Variants in EXOC6B observed in about 807,000 individuals in gnomAD.
EXOC6B encodes SEC15 homolog B.
A neutral mutation model predicts 113.5 loss-of-function variants in EXOC6B; 54 were observed. That is an observed-to-expected ratio of 0.48 (90% CI 0.38 to 0.60). The LOEUF (loss-of-function observed/expected upper bound fraction) is 0.60, where lower values mean the gene tolerates loss of function less well. EXOC6B is among the 20% of genes least tolerant of loss of function. The pLI is 0.00. For missense variants in EXOC6B, 797 were observed against 977.5 expected (o/e 0.82, Z 2.46); for synonymous variants, 357 against 339.0 (o/e 1.05, Z -0.58).
intron 6 of EXOC6B, among the ~76,000 whole-genome samples, chr2:72,594,158 T>C (rs1484337938): frequency 6.6e-6 from 1 of 152,146 alleles, no homozygotes; most frequent in Admixed American, 6.5e-5. Flanking sequence ...TTTTTTTAAA[T>C]TTTTTACAGA....
intron 20 of EXOC6B, among the ~76,000 whole-genome samples, chr2:72,192,252 A>G (rs1678893987): frequency 6.6e-6 from 1 of 152,210 alleles, no homozygotes; most frequent in South Asian, 2.1e-4. Context: ...GACATGGCAC[A>G]TGGAATTAAA....
chr2:72,710,593 T>A (rs140486661), intron 6 of EXOC6B, among the ~76,000 whole-genome samples: 1 of 152,260 alleles, frequency 6.6e-6, no homozygotes, highest in African/African-American at 2.4e-5. Flanking sequence ...GAGACCACAC[T>A]CTGTGCATGT....
rs945019828 is a variant in EXOC6B at position 72,499,803 on chromosome 2, T to G, written c.1239+98A>C. ...CCTACCTCAGGCTTCCAAAGAACTATGATTACAGGCAAAAGCCACCAGACC... is the reference window on the plus strand; with the variant it reads ...CCTACCTCAGGCTTCCAAAGAACTAGGATTACAGGCAAAAGCCACCAGACC... On this transcript the variant is annotated intron_variant, in intron 12 of 21. Coordinates refer to ENST00000272427, the MANE Select transcript of EXOC6B (RefSeq NM_015189.3). 1.4e-5 allele frequency: 11 copies of G among 769,772 alleles called. No individual in the cohort carries two copies. In the South Asian group the frequency reaches 1.9e-4, roughly 14 times the overall value. The allele number at this position is 769,772 out of a possible 1,614,324, so 47.7% of individuals were successfully genotyped here.
At chr2:72,601,347 T>C (rs1031956716) in intron 6 of EXOC6B, among the ~76,000 whole-genome samples, 3 of 152,072 alleles carry the variant, frequency 2.0e-5, no homozygotes, top group Admixed American at 1.3e-4. Context: ...CATGCCCAGC[T>C]AATTTTTTTG....
chr2:72,634,881 T>A (rs1672716516), intron 6 of EXOC6B, among the ~76,000 whole-genome samples: 1 of 151,710 alleles, frequency 6.6e-6, no homozygotes, highest in Admixed American at 6.6e-5. Context: ...CTCAACAAAT[T>A]TAAACAAATA....
intron 1 of EXOC6B, among the ~76,000 whole-genome samples, chr2:72,819,005 G>A (rs1261959793): frequency 6.6e-6 from 1 of 152,004 alleles, no homozygotes; most frequent in South Asian, 2.1e-4. Flanking sequence ...TGCCCACTCC[G>A]GACTCTATAA....
intron 18 of EXOC6B, among the ~76,000 whole-genome samples, chr2:72,404,754 C>T (rs747536778): frequency 5.9e-5 from 9 of 152,006 alleles, no homozygotes; most frequent in East Asian, 1.9e-4. Flanking sequence ...CACAAAGATG[C>T]GGAAAAAACA....
chr2:72,559,854 AATACACCTTTC>A (rs779018724), intron 7 of EXOC6B, among the ~76,000 whole-genome samples: 10 of 152,320 alleles, frequency 6.6e-5, no homozygotes, highest in Non-Finnish European at 1.2e-4. Context: ...ACAATGTGAG[AATACACCTTTC>A]ATGACGACTT....
chr2:72,215,793 A>G lies in EXOC6B; in HGVS notation c.2197-31606T>C, dbSNP rs376421459. Reference sequence around the variant, plus strand: ...TGGAAACAGGGGAGGAGACCAGAAAAGGCCTCCTTCTGGAGGCCTTGAGGA... The same window carrying G: ...TGGAAACAGGGGAGGAGACCAGAAAGGGCCTCCTTCTGGAGGCCTTGAGGA... On this transcript the variant is annotated intron_variant, in intron 20 of 21. Transcript: ENST00000272427. Among the ~76,000 whole-genome samples, 17 of 152,256 alleles carry G rather than the reference A, an allele frequency of 1.1e-4. 1 individual carries two copies. Among genetic ancestry groups the G allele is most frequent in the African/African-American group, 4.1e-4 (17 of 41,556 alleles).
At chr2:72,213,065 T>G (rs997794267) in intron 20 of EXOC6B, among the ~76,000 whole-genome samples, 3 of 152,228 alleles carry the variant, frequency 2.0e-5, no homozygotes, top group Non-Finnish European at 4.4e-5. Flanking sequence ...CAGATACTAC[T>G]AGCTTCTGCT....
chr2:72,622,714 GT>G (rs1390978537), intron 6 of EXOC6B, among the ~76,000 whole-genome samples: 1 of 151,352 alleles, frequency 6.6e-6, no homozygotes, highest in African/African-American at 2.4e-5. Context: ...CTGTTTCAAA[GT>G]AAAAATTAAA....
At chr2:72,182,949 G>T (rs1678183594) in intron 21 of EXOC6B, 1 of 1,215,330 alleles carries the variant, frequency 8.2e-7, no homozygotes, top group East Asian at 3.2e-5. Flanking sequence ...GGGAAACAAA[G>T]TTAAAATGGA....
intron 18 of EXOC6B, among the ~76,000 whole-genome samples, chr2:72,417,728 T>C (rs1001494049): frequency 6.6e-6 from 1 of 152,180 alleles, no homozygotes; most frequent in Non-Finnish European, 1.5e-5. Context: ...TCCTGGTGTG[T>C]TGTACATTTT....
At chr2:72,749,070 G>A (rs1681875812) in intron 1 of EXOC6B, among the ~76,000 whole-genome samples, 1 of 152,012 alleles carries the variant, frequency 6.6e-6, no homozygotes, top group Admixed American at 6.6e-5. Context: ...TTTGTGTTAG[G>A]TGCAAAAAGA....
In EXOC6B at chr2:72,454,415, G is replaced by A. The variant is rs560372311; in HGVS notation, c.1980+10745C>T. On this transcript the variant is annotated intron_variant, in intron 18 of 21. Transcript: ENST00000272427. The stretch of plus-strand genomic sequence containing the variant: ...GACACTTTGCAGGGCTGTTGTGGGC[G>A]GATTGCTTGAGCTTGAGAGGGCGAG... 8.5e-5 allele frequency among the ~76,000 whole-genome samples: 13 copies of A among 152,152 alleles called. No homozygotes were observed. The East Asian group carries it at 1.2e-3, about 14-fold the overall frequency.
At chr2:72,790,407 A>C (rs1684611406) in intron 1 of EXOC6B, among the ~76,000 whole-genome samples, 1 of 152,154 alleles carries the variant, frequency 6.6e-6, no homozygotes, top group African/African-American at 2.4e-5. Context: ...TCAACACTTC[A>C]ACTGCAGGGA....
intron 1 of EXOC6B, among the ~76,000 whole-genome samples, chr2:72,743,918 C>T (rs1681518181): frequency 6.6e-6 from 1 of 152,170 alleles, no homozygotes; most frequent in Non-Finnish European, 1.5e-5. Context: ...AATAGTCATG[C>T]ACTGCATAAT....
chr2:72,585,793 A>G (rs1471601264), intron 6 of EXOC6B, among the ~76,000 whole-genome samples: 1 of 152,162 alleles, frequency 6.6e-6, no homozygotes, highest in Admixed American at 6.5e-5. Flanking sequence ...CCAAAATTGT[A>G]TAAGTAATGA....
chr2:72,184,463 C>G (rs772393971), intron 20 of EXOC6B, among the ~76,000 whole-genome samples: 2 of 152,130 alleles, frequency 1.3e-5, no homozygotes, highest in Non-Finnish European at 2.9e-5. Context: ...TGTAAAGAAA[C>G]TAACACGGGA....
Sources: allele counts gnomAD v4.1 joint callset (sites outside exome capture counted in the v4.1 genomes callset), GRCh38; gene constraint gnomAD v4.1.1; transcripts MANE v1.5; gene names NCBI Gene and HGNC (gene_info 2026-07-23, HGNC 2026-07-21).